The following PTPN23 variants were observed in gnomAD, a reference collection of about 807,000 sequenced individuals.
The protein encoded by PTPN23 is protein tyrosine phosphatase non-receptor type 23, also known as tyrosine-protein phosphatase non-receptor type 23.
PTPN23 carries 72 observed loss-of-function variants against 156.3 expected under a neutral mutation model. That is an observed-to-expected ratio of 0.46 (90% CI 0.38 to 0.56). The LOEUF is 0.56. PTPN23 is among the 20% of genes least tolerant of loss of function. PTPN23 has a pLI of 0.00. For missense variants in PTPN23, 1,974 were observed against 2,171.5 expected (o/e 0.91, Z 1.81); for synonymous variants, 957 against 899.6 (o/e 1.06, Z -1.14).
At chr3:47,390,871 G>C (rs1186106944) in intron 1 of PTPN23, among the ~76,000 whole-genome samples, 1 of 152,108 alleles carries the variant, frequency 6.6e-6, no homozygotes. Context: ...AAATGCTCTG[G>C]GAGGCTGATG....
At chr3:47,391,110 G>A (rs1229495679) in intron 1 of PTPN23, among the ~76,000 whole-genome samples, 3 of 152,142 alleles carry the variant, frequency 2.0e-5, no homozygotes, top group Non-Finnish European at 2.9e-5. Flanking sequence ...GGTGGTATGT[G>A]CCTGTAGTTC....
intron 1 of PTPN23, among the ~76,000 whole-genome samples, chr3:47,384,111 CTT>C (rs112958005): frequency 6.8e-6 from 1 of 146,240 alleles, no homozygotes. Context: ...AAGAGACAGC[CTT>C]TTTTTTTTTT....
intron 1 of PTPN23, among the ~76,000 whole-genome samples, chr3:47,384,640 G>T (rs992417035): frequency 6.6e-6 from 1 of 152,018 alleles, no homozygotes; most frequent in African/African-American, 2.4e-5. Context: ...ATGGTGGCTA[G>T]TATTGATTTT....
chr3:47,412,458 C>G, intron 23 of PTPN23, 37 bp downstream of exon 23: 1 of 1,611,630 alleles, frequency 6.2e-7, no homozygotes, highest in South Asian at 1.1e-5. Context: ...GATGGGCCTT[C>G]TGTCCCAGGG....
Position 47,410,112 on chromosome 3 carries a change from C to T in PTPN23, c.2314C>T (p.Pro772Ser). Residue 772 changes from proline to serine, a missense_variant, in exon 20 of 25, where the codon CCT (proline) becomes TCT (serine). Pro to Ser is a moderately conservative substitution (Grantham distance 74, BLOSUM62 -1). Coordinates refer to ENST00000265562, the MANE Select transcript of PTPN23 (RefSeq NM_015466.4). ...GGGAAGTGCCACCCCGCTCCACTTT[C>T]CTCCCAGCCCCTTCCCCAGCTCCAC... is the stretch of plus-strand genomic sequence containing the variant. ...FLGSATPLHF[P>S]PSPFPSSTGP... is the part of the protein sequence containing the mutation. 3 of 1,600,078 alleles carry T rather than the reference C, an allele frequency of 1.9e-6. No homozygotes were observed. Among genetic ancestry groups the T allele is most frequent in the East Asian group, 4.5e-5 (2 of 44,806 alleles).
chr3:47,388,847 T>G (rs1704708006), intron 1 of PTPN23, among the ~76,000 whole-genome samples: 5 of 152,060 alleles, frequency 3.3e-5, no homozygotes, highest in Non-Finnish European at 7.4e-5. Context: ...GTCTTTTTAG[T>G]AGAGTCTGGG....
chr3:47,405,576 G>A lies in PTPN23; in HGVS notation c.365-173G>A. On this transcript the variant is annotated intron_variant, in intron 4 of 24. Coordinates refer to ENST00000265562, the MANE Select transcript of PTPN23 (RefSeq NM_015466.4). The surrounding 1 kb of genome is among the most constrained non-coding windows in gnomAD (Gnocchi z 4.7). ...ATGCAGAGCAGGAGACTGAGGGCTG[G>A]GCAGGACTTCTGAGTTTCCCTGTTC... 1.5e-6 allele frequency: 1 copy of A among 662,122 alleles called. No homozygotes were observed. The highest frequency in any genetic ancestry group is 2.6e-6 in the Non-Finnish European group (1 of 385,310). The allele number at this position is 662,122 out of a possible 1,614,324, so 41.0% of individuals were successfully genotyped here. A position where few individuals can be genotyped will look rare whatever the true frequency, so the allele number is the denominator to read the frequency against.
chr3:47,410,628 G>A lies in PTPN23; in HGVS notation c.2830G>A (p.Ala944Thr), dbSNP rs6780013. 610,258 of 1,610,720 alleles carry A rather than the reference G, an allele frequency of 0.38. 117,403 individuals carry two copies. Among genetic ancestry groups the A allele is most frequent in the Middle Eastern group, 0.45 (2,739 of 6,054 alleles). Residue 944 changes from alanine (A) to threonine (T), a missense_variant, in exon 20 of 25, where the codon GCA becomes ACA. Physicochemically the swap from Ala to Thr is moderately conservative, Grantham distance 58 (BLOSUM62 0). Coordinates refer to ENST00000265562, the MANE Select transcript of PTPN23 (RefSeq NM_015466.4). ...GCACCACTTCTCTTCTGGGATCCCC[G>A]CAGGTTTTCCAGCCCCAAGGATTGG... ...AQHHFSSGIP[A>T]GFPAPRIGPQ...
intron 1 of PTPN23, among the ~76,000 whole-genome samples, chr3:47,392,365 T>C (rs926568597): frequency 5.3e-5 from 8 of 152,056 alleles, no homozygotes; most frequent in Non-Finnish European, 7.4e-5. Context: ...AAATTTTTTT[T>C]CGTAGAGATG....
chr3:47,401,902 T>C (rs1705002021), intron 2 of PTPN23, among the ~76,000 whole-genome samples: 1 of 152,166 alleles, frequency 6.6e-6, no homozygotes, highest in Non-Finnish European at 1.5e-5. Flanking sequence ...CTGACTTTTC[T>C]GTTCCACTGT....
chr3:47,383,159 A>T (rs963647608), intron 1 of PTPN23, among the ~76,000 whole-genome samples: 12 of 152,088 alleles, frequency 7.9e-5, no homozygotes, highest in Non-Finnish European at 1.5e-4. Context: ...TGTGCATCTG[A>T]TAGAGGTACC....
intron 1 of PTPN23, among the ~76,000 whole-genome samples, chr3:47,382,219 C>G (rs1306575361): frequency 4.6e-5 from 7 of 152,170 alleles, no homozygotes; most frequent in African/African-American, 1.4e-4. Context: ...ATCATCTAGC[C>G]TCTTGGGGCC....
chr3:47,395,086 G>C (rs2107701884), intron 1 of PTPN23, among the ~76,000 whole-genome samples: 1 of 152,300 alleles, frequency 6.6e-6, no homozygotes, highest in African/African-American at 2.4e-5. Context: ...TTGCTCACCA[G>C]GCAGACAGAA....
Position 47,405,054 on chromosome 3 carries a change from G to C in PTPN23, c.337G>C (p.Glu113Gln). Residue 113 changes from glutamate (E) to glutamine (Q), a missense_variant, in exon 4 of 25, where the codon GAG (glutamate) becomes CAG (glutamine). This residue lies in a region of PTPN23 where 726 missense variants were observed against 929.5 expected (regional missense o/e 0.78). Coordinates refer to ENST00000265562, the MANE Select transcript of PTPN23 (RefSeq NM_015466.4). This position sits in a 1 kb window ranked among gnomAD's most constrained non-coding sequence, Gnocchi z 4.7. ...KSVAHEDIKY[E>Q]QACILYNLGA... ...TGTGGCCCATGAGGACATCAAGTAC[G>C]AGCAGGCCTGTATTCTCTACAACCT... 1 of 1,614,182 alleles carries C rather than the reference G, an allele frequency of 6.2e-7. No individual in the cohort carries two copies. The highest frequency in any genetic ancestry group is 8.5e-7 in the Non-Finnish European group (1 of 1,180,030).
intron 1 of PTPN23, among the ~76,000 whole-genome samples, chr3:47,389,058 C>A (rs1704714379): frequency 6.6e-6 from 1 of 152,276 alleles, no homozygotes; most frequent in East Asian, 1.9e-4. Context: ...CACTACCCTT[C>A]CCAGCCTCTG....
Position 47,413,032 on chromosome 3 carries a change from G to A in PTPN23, c.4758G>A (p.Glu1586=), listed in dbSNP as rs1422461943. Residue 1586 remains glutamate (E), a synonymous_variant, in exon 25 of 25, where the codon GAG becomes GAA. Coordinates refer to ENST00000265562, the MANE Select transcript of PTPN23 (RefSeq NM_015466.4). ...AATTGCTGGCCTCCTTGACCCCAGA[G>A]GCCTTCTCCCTGGACAGCTCCCTGC... ...SLELLASLTP[E]AFSLDSSLRG... is the part of the protein sequence containing the mutation. The A allele has an allele frequency of 6.2e-7, 1 of 1,612,912 alleles. No homozygotes were observed. The highest frequency in any genetic ancestry group is 2.2e-5 in the East Asian group (1 of 44,862).
chr3:47,405,900 C>T lies in PTPN23; in HGVS notation c.415-15C>T, dbSNP rs1559524777. 4 of 1,612,472 alleles carry T rather than the reference C, an allele frequency of 2.5e-6. No individual in the cohort carries two copies. In the Admixed American group the frequency reaches 6.7e-5, roughly 27 times the overall value. On this transcript the variant is annotated splice_polypyrimidine_tract_variant and intron_variant, in intron 5 of 24. Coordinates refer to ENST00000265562, the MANE Select transcript of PTPN23 (RefSeq NM_015466.4). This position sits in a 1 kb window ranked among gnomAD's most constrained non-coding sequence, Gnocchi z 4.7. Reference sequence around the variant, plus strand: ...CCATGGAGTGGACACAGGCCATCCTCCCACTCCCTCCCAGGGCATGAAGGT... The same window carrying T: ...CCATGGAGTGGACACAGGCCATCCTTCCACTCCCTCCCAGGGCATGAAGGT...
chr3:47,391,613 G>A (rs1249519398), intron 1 of PTPN23, among the ~76,000 whole-genome samples: 4 of 152,190 alleles, frequency 2.6e-5, no homozygotes, highest in South Asian at 4.1e-4. Context: ...TTTGCTAGGG[G>A]TGGGAGCAGC....
intron 2 of PTPN23, 38 bp from the exon 3 acceptor site, chr3:47,404,614 T>C (rs769170522): frequency 6.2e-7 from 1 of 1,608,734 alleles, no homozygotes; most frequent in Non-Finnish European, 8.5e-7. Flanking sequence ...CACTGCCCCA[T>C]ATGACAACAG....
Sources: allele counts gnomAD v4.1 joint callset (sites outside exome capture counted in the v4.1 genomes callset), GRCh38; gene constraint gnomAD v4.1.1; regional missense constraint gnomAD v4.1.1; non-coding constraint Gnocchi (gnomAD v3.1); transcripts MANE v1.5; gene names NCBI Gene and HGNC (gene_info 2026-07-23, HGNC 2026-07-21).